Variants in ATP2B2 observed in about 807,000 individuals in gnomAD.
ATP2B2 encodes the protein ATPase plasma membrane Ca2+ transporting 2.
In ATP2B2, 15 loss-of-function variants were observed where a neutral mutation model predicts 120.0. That is an observed-to-expected ratio of 0.12 (90% CI 0.08 to 0.19). ATP2B2 has a LOEUF of 0.19. Ranked by LOEUF, ATP2B2 falls within the 10% of genes least tolerant of loss-of-function variation. ATP2B2 has a pLI of 1.00. For missense variants in ATP2B2, 1,045 were observed against 1,719.8 expected (o/e 0.61, Z 6.94); for synonymous variants, 694 against 700.3 (o/e 0.99, Z 0.14).
rs1472307150 is a variant in ATP2B2, at chr3:10,340,516, C to T, written c.3106G>A (p.Val1036Met). The T allele has an allele frequency of 2.5e-6, 4 of 1,614,078 alleles. No individual in the cohort carries two copies. Among genetic ancestry groups the T allele is most frequent in the African/African-American group, 2.7e-5 (2 of 74,916 alleles). ...IFRNPIFCTI[V>M]LGTFAIQIVI... ...ACCTGGATGGCAAAGGTGCCCAGCA[C>T]GATGGTGCAGAAGATGGGGTTCCGG... is the stretch of plus-strand genomic sequence containing the variant. The change falls in exon 20 of 23, where the codon GTG becomes ATG. Residue 1036 changes from valine (V) to methionine (M), a missense_variant. Transcript: ENST00000360273. The surrounding 1 kb of genome is among the most constrained non-coding windows in gnomAD (Gnocchi z 5.0).
chr3:10,377,162 G>A (rs563709825), intron 10 of ATP2B2, among the ~76,000 whole-genome samples: 4 of 152,276 alleles, frequency 2.6e-5, no homozygotes, highest in East Asian at 3.9e-4. Context: ...TCATCGCTTC[G>A]TTCCCGGCCC....
chr3:10,582,040 G>A (rs1234515733), intron 2 of ATP2B2, among the ~76,000 whole-genome samples: 2 of 152,220 alleles, frequency 1.3e-5, no homozygotes, highest in African/African-American at 4.8e-5. Context: ...GAGGCAGAGA[G>A]GTGAGCCTGA....
rs376211373 is a variant in ATP2B2, at chr3:10,336,542, G to C, written c.3420+1634C>G. 1.7e-4 allele frequency among the ~76,000 whole-genome samples: 26 copies of C among 152,340 alleles called. No individual in the cohort carries two copies. In the East Asian group the frequency reaches 3.9e-3, roughly 23 times the overall value. The stretch of plus-strand genomic sequence containing the variant: ...GGGGTCCGGCCTTTGTCCTGTGCTA[G>C]TGGCTCAGGGGCCAGTGGGCTGGCC... On this transcript the variant is annotated intron_variant, in intron 22 of 22. Coordinates refer to ENST00000360273, the MANE Select transcript of ATP2B2 (RefSeq NM_001001331.4).
intron 2 of ATP2B2, among the ~76,000 whole-genome samples, chr3:10,545,541 A>T (rs1417367884): frequency 6.6e-6 from 1 of 151,646 alleles, no homozygotes; most frequent in Non-Finnish European, 1.5e-5. Context: ...AAAAAAAAAA[A>T]TTAAATAAAT....
At position 10,402,627 on chromosome 3, in the gene ATP2B2, G is replaced by A. The variant is rs563292630; in HGVS notation, c.398-279C>T. Among the ~76,000 whole-genome samples the A allele has an allele frequency of 2.2e-4, 34 of 152,368 alleles. No homozygotes were observed. The highest frequency in any genetic ancestry group is 7.5e-4 in the African/African-American group (31 of 41,592). On this transcript the variant is annotated intron_variant, in intron 3 of 22. Coordinates refer to ENST00000360273, the MANE Select transcript of ATP2B2 (RefSeq NM_001001331.4). The surrounding 1 kb of genome is among the most constrained non-coding windows in gnomAD (Gnocchi z 4.9). Reference sequence around the variant, plus strand: ...AGCAATGAAGGGCAAGTAGGAAGCTGGAATGTGAACCCAGGCAGTCTGGCT... The same window carrying A: ...AGCAATGAAGGGCAAGTAGGAAGCTAGAATGTGAACCCAGGCAGTCTGGCT...
At chr3:10,523,987 G>A (rs2067038380) in intron 3 of ATP2B2, among the ~76,000 whole-genome samples, 1 of 152,226 alleles carries the variant, frequency 6.6e-6, no homozygotes. Flanking sequence ...AAATGCCAAT[G>A]TTTAAAAATG....
rs570482448 is a variant in ATP2B2 at position 10,420,883 on chromosome 3, C to A, written c.200-10068G>T. Among the ~76,000 whole-genome samples, 22 of 152,342 alleles carry A rather than the reference C, an allele frequency of 1.4e-4. No homozygotes were observed. The South Asian group carries it at 4.6e-3, about 32-fold the overall frequency. On this transcript the variant is annotated intron_variant, in intron 2 of 22. Transcript: ENST00000360273. The stretch of plus-strand genomic sequence containing the variant: ...TTAAAAAATATGAATGCCTAAGCCC[C>A]AAACTAGAGATTCTAGTTGAATTGG...
intron 2 of ATP2B2, among the ~76,000 whole-genome samples, chr3:10,571,693 G>C (rs560184094): frequency 6.6e-6 from 1 of 152,304 alleles, no homozygotes; most frequent in African/African-American, 2.4e-5. Context: ...CAATCACTGT[G>C]GTGGGGAGGT....
At chr3:10,484,316 C>T (rs1009847794) in intron 1 of ATP2B2, among the ~76,000 whole-genome samples, 5 of 152,144 alleles carry the variant, frequency 3.3e-5, no homozygotes, top group African/African-American at 1.2e-4. Flanking sequence ...GAACACACAG[C>T]CCCCTCCCTG....
At chr3:10,640,558 G>T (rs898804387) in intron 1 of ATP2B2, among the ~76,000 whole-genome samples, 1 of 152,174 alleles carries the variant, frequency 6.6e-6, no homozygotes, top group Admixed American at 6.5e-5. Context: ...GTGATCTCAG[G>T]GATCTGAGAC....
chr3:10,650,441 C>T (rs2125664602), intron 1 of ATP2B2, among the ~76,000 whole-genome samples: 1 of 152,282 alleles, frequency 6.6e-6, no homozygotes, highest in South Asian at 2.1e-4. Flanking sequence ...TAAGGGCATT[C>T]AGTTTTAAAA....
intron 2 of ATP2B2, among the ~76,000 whole-genome samples, chr3:10,596,083 C>T (rs1036146810): frequency 1.3e-5 from 2 of 152,118 alleles, no homozygotes; most frequent in African/African-American, 2.4e-5. Context: ...GCAGAGAGGC[C>T]CTCCCTGACT....
intron 12 of ATP2B2, among the ~76,000 whole-genome samples, chr3:10,366,012 C>A (rs186637057): frequency 3.2e-4 from 49 of 152,146 alleles, no homozygotes; most frequent in Non-Finnish European, 5.1e-4. Flanking sequence ...TTGTTGAATT[C>A]GACACCCAGG....
intron 1 of ATP2B2, among the ~76,000 whole-genome samples, chr3:10,489,957 A>G (rs1003425894): frequency 6.6e-6 from 1 of 152,184 alleles, no homozygotes; most frequent in Non-Finnish European, 1.5e-5. Flanking sequence ...TCTGCCCTGC[A>G]CTACTGGTGG....
At chr3:10,444,974 G>C (rs1559346579) in intron 2 of ATP2B2, among the ~76,000 whole-genome samples, 1 of 152,242 alleles carries the variant, frequency 6.6e-6, no homozygotes, top group Admixed American at 6.5e-5. Flanking sequence ...ATAACACAGA[G>C]CTCCTGCCTC....
intron 2 of ATP2B2, among the ~76,000 whole-genome samples, chr3:10,570,722 C>T (rs1467799061): frequency 6.6e-6 from 1 of 152,166 alleles, no homozygotes; most frequent in African/African-American, 2.4e-5. Context: ...ACAAGTCAGT[C>T]CCTGCTGGAA....
intron 1 of ATP2B2, among the ~76,000 whole-genome samples, chr3:10,667,091 C>T (rs1266871050): frequency 1.3e-5 from 2 of 152,202 alleles, no homozygotes; most frequent in Non-Finnish European, 2.9e-5. Context: ...TGTGTTTCCT[C>T]TCTTGGGCCT....
chr3:10,522,907 G>A (rs1386686227), intron 3 of ATP2B2, among the ~76,000 whole-genome samples: 1 of 152,232 alleles, frequency 6.6e-6, no homozygotes, highest in Admixed American at 6.5e-5. Context: ...TGACGATGAT[G>A]TCGGCACCCA....
chr3:10,533,072 T>G (rs2067243114), intron 3 of ATP2B2, among the ~76,000 whole-genome samples: 1 of 152,208 alleles, frequency 6.6e-6, no homozygotes, highest in Admixed American at 6.5e-5. Context: ...AGCTCTGATC[T>G]CTTACATGTT....
Sources: allele counts gnomAD v4.1 joint callset (sites outside exome capture counted in the v4.1 genomes callset), GRCh38; gene constraint gnomAD v4.1.1; non-coding constraint Gnocchi (gnomAD v3.1); transcripts MANE v1.5; gene names NCBI Gene and HGNC (gene_info 2026-07-23, HGNC 2026-07-21).